Variants in VAMP7 observed in about 807,000 individuals in gnomAD.
The protein encoded by VAMP7 is vesicle-associated membrane protein 7.
VAMP7 carries 14 observed loss-of-function variants against 29.6 expected under a neutral mutation model. The ratio of observed to expected loss-of-function variants is 0.47; its 90% CI spans 0.31 to 0.74. The LOEUF is 0.74. Ranked by LOEUF, VAMP7 falls within the 30% of genes least tolerant of loss-of-function variation. VAMP7 has a pLI of 0.05. For missense variants in VAMP7, 223 were observed against 262.4 expected (o/e 0.85, Z 1.04); for synonymous variants, 95 against 88.1 (o/e 1.08, Z -0.44).
intron 6 of VAMP7, among the ~76,000 whole-genome samples, chrX:155,926,469 A>G (rs1219685898): frequency 2.0e-5 from 3 of 152,156 alleles, no homozygotes; most frequent in Non-Finnish European, 2.9e-5. Context: ...TTTCTTCTGC[A>G]CCTTCCTCGC....
At position 155,910,740 on chromosome X, in the gene VAMP7, G is replaced by T. The variant is rs1466179161; in HGVS notation, c.434-9073G>T. ...TCATATACCTTTTGGCCATTTGTATGTCTTCTTTTGAGAAATGGCTATTCA... is the reference window on the plus strand; with the variant it reads ...TCATATACCTTTTGGCCATTTGTATTTCTTCTTTTGAGAAATGGCTATTCA... On this transcript the variant is annotated intron_variant, in intron 5 of 7. Coordinates refer to ENST00000286448, the MANE Select transcript of VAMP7 (RefSeq NM_005638.6). 3.9e-5 allele frequency among the ~76,000 whole-genome samples: 6 copies of T among 151,950 alleles called. No individual in the cohort carries two copies. The South Asian group carries it at 6.2e-4, about 16-fold the overall frequency.
chrX:155,921,950 T>C (rs1258972242), intron 6 of VAMP7, among the ~76,000 whole-genome samples: 2 of 152,088 alleles, frequency 1.3e-5, no homozygotes, highest in East Asian at 3.8e-4. Flanking sequence ...GAACGTGACA[T>C]ATCTCTGCTT....
rs142421725 is a variant in VAMP7, at chrX:155,911,273, A to G, written c.434-8540A>G. ...ATGTGTGGCTGTACATACGTGGATCAATGTCTGGCTTTTCTATTCTATTCC... is the reference window on the plus strand; with the variant it reads ...ATGTGTGGCTGTACATACGTGGATCGATGTCTGGCTTTTCTATTCTATTCC... On this transcript the variant is annotated intron_variant, in intron 5 of 7. Transcript: ENST00000286448. Among the ~76,000 whole-genome samples, 576 of 152,106 alleles carry G rather than the reference A, an allele frequency of 3.8e-3. 4 individuals are homozygous for G. Among genetic ancestry groups the G allele is most frequent in the Non-Finnish European group, 6.3e-3 (428 of 67,928 alleles).
At chrX:155,940,212 T>G (rs924093968) in intron 7 of VAMP7, among the ~76,000 whole-genome samples, 9 of 152,134 alleles carry the variant, frequency 5.9e-5, no homozygotes, top group Middle Eastern at 6.3e-3. Flanking sequence ...TTTTTGAGTG[T>G]GTAAAGAGGT....
Position 155,942,213 on chromosome X carries a change from G to C in VAMP7, c.*262G>C. The stretch of plus-strand genomic sequence containing the variant: ...GTTTATTTCTTTGGTTTGTTAACTA[G>C]TGTCATCTATTTAGAGAAACATTTT... On this transcript the variant is annotated 3_prime_UTR_variant, in exon 8 of 8. Transcript: ENST00000286448. 1 of 1,504,586 alleles carries C rather than the reference G, an allele frequency of 6.6e-7. No individual in the cohort carries two copies. Among genetic ancestry groups the C allele is most frequent in the Non-Finnish European group, 8.9e-7 (1 of 1,124,002 alleles). The allele number at this position is 1,504,586 out of a possible 1,614,324, so 93.2% of individuals were successfully genotyped here. A position where few individuals can be genotyped will look rare whatever the true frequency, so the allele number is the denominator to read the frequency against.
At chrX:155,890,626 G>A (rs1288083189) in intron 2 of VAMP7, among the ~76,000 whole-genome samples, 5 of 152,134 alleles carry the variant, frequency 3.3e-5, no homozygotes, top group Admixed American at 6.5e-5. Context: ...CTCCCAAAGC[G>A]TTGGGATTAC....
chrX:155,887,850 G>C (rs2065882887), intron 1 of VAMP7, among the ~76,000 whole-genome samples: 1 of 151,532 alleles, frequency 6.6e-6, no homozygotes, highest in Non-Finnish European at 1.5e-5. Context: ...AGGATCACTT[G>C]AGCCTGATAA....
chrX:155,882,570 T>C (rs929827923), intron 1 of VAMP7, among the ~76,000 whole-genome samples: 4 of 152,206 alleles, frequency 2.6e-5, no homozygotes, highest in Non-Finnish European at 5.9e-5. Flanking sequence ...TCCAAGGTTA[T>C]TGCATCAGAA....
rs1246742338 is a variant in VAMP7 at position 155,884,871 on chromosome X, G to A, written c.-10+3423G>A. On this transcript the variant is annotated intron_variant, in intron 1 of 7. Transcript: ENST00000286448. ...TTGAAGATGCTTCTGCTGAGGAGGAGCATTTTCATCATTGCTGTTCTATGT... is the reference window on the plus strand; with the variant it reads ...TTGAAGATGCTTCTGCTGAGGAGGAACATTTTCATCATTGCTGTTCTATGT... Among the ~76,000 whole-genome samples, 5 of 152,186 alleles carry A rather than the reference G, an allele frequency of 3.3e-5. No homozygotes were observed. In the South Asian group the frequency reaches 6.2e-4, roughly 19 times the overall value.
intron 6 of VAMP7, among the ~76,000 whole-genome samples, chrX:155,931,730 T>A (rs2066560324): frequency 6.6e-6 from 1 of 152,080 alleles, no homozygotes; most frequent in Non-Finnish European, 1.5e-5. Context: ...CATTTGTCAA[T>A]TTTGGCTTTT....
At position 155,922,935 on chromosome X, in the gene VAMP7, A is replaced by C. The variant is rs917205183; in HGVS notation, c.501+3055A>C. Reference sequence around the variant, plus strand: ...TTGGATTTAGTACATTTGTTATTCCATTATGTCTCCTTTGTCAGTTTATTA... The same window carrying C: ...TTGGATTTAGTACATTTGTTATTCCCTTATGTCTCCTTTGTCAGTTTATTA... On this transcript the variant is annotated intron_variant, in intron 6 of 7. Transcript: ENST00000286448. Among the ~76,000 whole-genome samples, 80 of 151,536 alleles carry C rather than the reference A, an allele frequency of 5.3e-4. 1 individual carries two copies. The highest frequency in any genetic ancestry group is 1.0e-3 in the Non-Finnish European group (71 of 67,862).
At chrX:155,899,362 T>A (rs1184103280) in intron 4 of VAMP7, among the ~76,000 whole-genome samples, 1 of 152,030 alleles carries the variant, frequency 6.6e-6, no homozygotes, top group Non-Finnish European at 1.5e-5. Context: ...TAATTTATGT[T>A]TTCATGATGT....
At chrX:155,930,172 T>C (rs2066527414) in intron 6 of VAMP7, among the ~76,000 whole-genome samples, 2 of 152,122 alleles carry the variant, frequency 1.3e-5, no homozygotes, top group Admixed American at 6.5e-5. Context: ...AGAGTTTTTA[T>C]TGGGGTTTCA....
intron 5 of VAMP7, among the ~76,000 whole-genome samples, chrX:155,909,646 A>C (rs1469727079): frequency 6.6e-6 from 1 of 152,174 alleles, no homozygotes; most frequent in East Asian, 1.9e-4. Context: ...TGACTTAAAC[A>C]ACAGAAATTT....
At chrX:155,903,650 A>G (rs1254699913) in intron 5 of VAMP7, among the ~76,000 whole-genome samples, 1 of 152,184 alleles carries the variant, frequency 6.6e-6, no homozygotes, top group Non-Finnish European at 1.5e-5. Context: ...TCAAAACCAC[A>G]ATGTGATACC....
At chrX:155,924,242 C>T (rs1280435669) in intron 6 of VAMP7, among the ~76,000 whole-genome samples, 1 of 152,064 alleles carries the variant, frequency 6.6e-6, no homozygotes, top group Admixed American at 6.5e-5. Flanking sequence ...AAAGGGTACA[C>T]TTCAGTGGAA....
intron 3 of VAMP7, 70 bp from the exon 4 acceptor site, chrX:155,898,042 G>T: frequency 1.3e-6 from 2 of 1,553,788 alleles, no homozygotes; most frequent in Non-Finnish European, 8.7e-7. Context: ...GTTTTTTATT[G>T]TTGTTCTTAA....
intron 1 of VAMP7, among the ~76,000 whole-genome samples, chrX:155,886,554 A>T (rs2065867862): frequency 6.6e-6 from 1 of 152,098 alleles, no homozygotes; most frequent in Non-Finnish European, 1.5e-5. Context: ...ATAAACTCAA[A>T]AACTATTGTC....
At position 155,882,656 on chromosome X, in the gene VAMP7, T is replaced by G. The variant is rs141136645; in HGVS notation, c.-10+1208T>G. 6.6e-3 allele frequency among the ~76,000 whole-genome samples: 1,012 copies of G among 152,322 alleles called. 4 individuals carry two copies. The highest frequency in any genetic ancestry group is 0.014 in the Middle Eastern group (4 of 292). ...AGTGGGGGATTGGATTACTATTAGC[T>G]CAACTGCTTTATCTTACTTAGAAAG... On this transcript the variant is annotated intron_variant, in intron 1 of 7. Transcript: ENST00000286448.
Sources: allele counts gnomAD v4.1 joint callset (sites outside exome capture counted in the v4.1 genomes callset), GRCh38; gene constraint gnomAD v4.1.1; transcripts MANE v1.5; gene names NCBI Gene and HGNC (gene_info 2026-07-23, HGNC 2026-07-21).